The following DDR2 variants were observed in gnomAD, a reference collection of about 807,000 sequenced individuals.
DDR2 encodes the protein discoidin domain receptor tyrosine kinase 2.
DDR2 carries 27 observed loss-of-function variants against 94.9 expected under a neutral mutation model. The ratio of observed to expected loss-of-function variants is 0.28; its 90% CI spans 0.21 to 0.39. The LOEUF (loss-of-function observed/expected upper bound fraction) is 0.39. Ranked by LOEUF, DDR2 falls within the 10% of genes least tolerant of loss-of-function variation. The pLI is 1.00. For synonymous variants in DDR2, 382 were observed against 377.2 expected (o/e 1.01, Z -0.15); for missense variants, 783 against 1,076.0 (o/e 0.73, Z 3.81).
intron 3 of DDR2, among the ~76,000 whole-genome samples, chr1:162,739,827 A>C (rs1476156429): frequency 1.3e-5 from 2 of 152,208 alleles, no homozygotes; most frequent in African/African-American, 4.8e-5. Flanking sequence ...ATATGTGAGA[A>C]GAAGTAGGTG....
chr1:162,651,897 T>C (rs556637085), intron 1 of DDR2, among the ~76,000 whole-genome samples: 5 of 152,368 alleles, frequency 3.3e-5, no homozygotes, highest in African/African-American at 9.6e-5. Context: ...ATTTTAGTTA[T>C]AACTTTGCGT....
chr1:162,655,550 T>A (rs1048893768), intron 2 of DDR2, among the ~76,000 whole-genome samples, 176 bp downstream of exon 2: 9 of 152,222 alleles, frequency 5.9e-5, no homozygotes, highest in Admixed American at 5.9e-4. Flanking sequence ...ATAGGAAATC[T>A]GTTGTGGACT....
At chr1:162,729,300 A>ATATATTTTTTTTTTTTTTTT (rs1416872679) in intron 3 of DDR2, among the ~76,000 whole-genome samples, 1 of 94,002 alleles carries the variant, frequency 1.1e-5, no homozygotes, top group African/African-American at 5.3e-5. Flanking sequence ...ATATATATAT[A>ATATATTTTTTTTTTTTTTTT]TTTTTTTTTT....
At chr1:162,653,144 A>G (rs1428059966) in intron 1 of DDR2, among the ~76,000 whole-genome samples, 6 of 152,042 alleles carry the variant, frequency 3.9e-5, no homozygotes, top group Non-Finnish European at 8.8e-5. Flanking sequence ...AGAAACTTTT[A>G]GCATTTGAGA....
rs2102195490 is a variant in DDR2 at position 162,775,693 on chromosome 1, A to G, written c.1898A>G (p.Lys633Arg). The G allele has an allele frequency of 6.2e-7, 1 of 1,614,154 alleles. No individual in the cohort carries two copies. The highest frequency in any genetic ancestry group is 8.5e-7 in the Non-Finnish European group (1 of 1,180,000). Residue 633 changes from lysine to arginine, a missense_variant, in exon 15 of 18, where the codon AAG (lysine) becomes AGG (arginine). This residue lies in a region of DDR2 where 264 missense variants were observed against 428.2 expected (regional missense o/e 0.62). Coordinates refer to ENST00000367921, the MANE Select transcript of DDR2 (RefSeq NM_006182.4). ...GAGATAAAGATCATGTCTCGGCTCAAGGACCCAAACATCATCCATCTATTA... is the reference window on the plus strand; with the variant it reads ...GAGATAAAGATCATGTCTCGGCTCAGGGACCCAAACATCATCCATCTATTA... ...LKEIKIMSRL[K>R]DPNIIHLLAV...
chr1:162,728,148 A>T (rs1661809452), intron 3 of DDR2, among the ~76,000 whole-genome samples: 1 of 145,352 alleles, frequency 6.9e-6, no homozygotes, highest in Non-Finnish European at 1.5e-5. Context: ...CTATATATAG[A>T]TATATCTATA....
intron 6 of DDR2, 134 bp downstream of exon 6, chr1:162,755,437 C>A: frequency 7.9e-7 from 1 of 1,266,064 alleles, no homozygotes; most frequent in Non-Finnish European, 1.1e-6. Context: ...AGAATAGAGA[C>A]AGAAGCATTG....
chr1:162,706,669 A>C (rs749007695), intron 2 of DDR2, among the ~76,000 whole-genome samples: 2 of 152,094 alleles, frequency 1.3e-5, no homozygotes, highest in Non-Finnish European at 2.9e-5. Context: ...GGTATTTTTA[A>C]CCTGGGCCAG....
chr1:162,655,346 T>A lies in DDR2; in HGVS notation c.-56T>A, dbSNP rs1657905160. The A allele has an allele frequency of 6.6e-6, 1 of 152,202 alleles. No individual in the cohort carries two copies. Among genetic ancestry groups the A allele is most frequent in the Non-Finnish European group, 1.5e-5 (1 of 68,056 alleles). The allele number at this position is 152,202 out of a possible 1,614,324, so 9.4% of individuals were successfully genotyped here. A position where few individuals can be genotyped will look rare whatever the true frequency, so the allele number is the denominator to read the frequency against. On this transcript the variant is annotated 5_prime_UTR_variant, in exon 2 of 18. Transcript: ENST00000367921. Reference sequence around the variant, plus strand: ...GGCCAGCTGTTTTTGAGGATCCTGCTCCACAGAGAATGCTCTGCACCCGTT... The same window carrying A: ...GGCCAGCTGTTTTTGAGGATCCTGCACCACAGAGAATGCTCTGCACCCGTT...
At chr1:162,656,833 G>GTTGTTTTT (rs1657990644) in intron 2 of DDR2, among the ~76,000 whole-genome samples, 8 of 65,696 alleles carry the variant, frequency 1.2e-4, no homozygotes, top group Admixed American at 4.8e-4. Flanking sequence ...TGCCACTGGA[G>GTTGTTTTT]TTTTTTTTTT....
chr1:162,769,411 T>C (rs910242232), intron 11 of DDR2, among the ~76,000 whole-genome samples: 1 of 152,230 alleles, frequency 6.6e-6, no homozygotes, highest in Admixed American at 6.5e-5. Context: ...AGGATAATTT[T>C]GGTGGTGTCC....
At chr1:162,762,084 A>G (rs1298665738) in intron 9 of DDR2, among the ~76,000 whole-genome samples, 2 of 152,212 alleles carry the variant, frequency 1.3e-5, no homozygotes, top group Non-Finnish European at 2.9e-5. Context: ...CTAACTGTCC[A>G]TCAATGTCTT....
chr1:162,749,160 C>G (rs1189022326), intron 3 of DDR2, among the ~76,000 whole-genome samples: 1 of 152,134 alleles, frequency 6.6e-6, no homozygotes, highest in East Asian at 1.9e-4. Flanking sequence ...AAGATCAGAG[C>G]AGAACTGAAG....
At chr1:162,681,408 T>G (rs1457986393) in intron 2 of DDR2, among the ~76,000 whole-genome samples, 1 of 152,146 alleles carries the variant, frequency 6.6e-6, no homozygotes, top group African/African-American at 2.4e-5. Flanking sequence ...GTGTCCTCTT[T>G]TCATTAATTA....
chr1:162,689,733 G>A (rs1055544346), intron 2 of DDR2, among the ~76,000 whole-genome samples: 8 of 151,430 alleles, frequency 5.3e-5, no homozygotes, highest in South Asian at 4.2e-4. Flanking sequence ...GCTGGGTGCC[G>A]TGGCTCACGC....
At chr1:162,722,261 G>A (rs559983486) in intron 3 of DDR2, among the ~76,000 whole-genome samples, 5 of 152,290 alleles carry the variant, frequency 3.3e-5, no homozygotes, top group Admixed American at 3.3e-4. Flanking sequence ...TCAGGCAGAT[G>A]GTGTTAGTGG....
At chr1:162,679,788 C>CAA (rs1659315126) in intron 2 of DDR2, among the ~76,000 whole-genome samples, 1 of 152,012 alleles carries the variant, frequency 6.6e-6, no homozygotes, top group African/African-American at 2.4e-5. Flanking sequence ...TTCAACCTTG[C>CAA]CAACATCTGT....
chr1:162,699,400 CT>C (rs1660330803), intron 2 of DDR2, among the ~76,000 whole-genome samples: 1 of 152,182 alleles, frequency 6.6e-6, no homozygotes, highest in Non-Finnish European at 1.5e-5. Flanking sequence ...CAAATATCAC[CT>C]GTTTAAGGAA....
At chr1:162,753,223 C>G (rs1434795883) in intron 4 of DDR2, 26 bp downstream of exon 4, 1 of 1,605,404 alleles carries the variant, frequency 6.2e-7, no homozygotes, top group African/African-American at 1.3e-5. Flanking sequence ...TCAAGAAAGC[C>G]CATGTTCTGG....
Sources: gnomAD v4.1 joint callset for allele counts (sites outside exome capture counted in the v4.1 genomes callset) on GRCh38, gnomAD v4.1.1 for gene constraint, gnomAD v4.1.1 regional missense constraint, MANE v1.5 for transcripts, NCBI Gene and HGNC (gene_info 2026-07-23, HGNC 2026-07-21) for gene names.